Variants in SRGAP2C observed in about 807,000 individuals in gnomAD.
The protein encoded by SRGAP2C is SLIT-ROBO Rho GTPase activating protein 2C.
SRGAP2C carries 15 observed loss-of-function variants against 25.1 expected under a neutral mutation model. That is an observed-to-expected ratio of 0.60 (90% CI 0.40 to 0.92). The LOEUF (loss-of-function observed/expected upper bound fraction) is 0.92, where lower values mean the gene tolerates loss of function less well. SRGAP2C is among the 40% of genes least tolerant of loss of function. The probability of loss-of-function intolerance (pLI) is 0.00; values close to 1 mark genes in which losing one functional copy is unlikely to be tolerated. For missense variants in SRGAP2C, 144 were observed against 264.4 expected (o/e 0.54, Z 3.16); for synonymous variants, 44 against 96.6 (o/e 0.46, Z 3.19).
chr1:121,192,381 A>T (rs1424127156), intron 2 of SRGAP2C, among the ~76,000 whole-genome samples: 2 of 152,170 alleles, frequency 1.3e-5, no homozygotes, highest in African/African-American at 2.4e-5. Flanking sequence ...AGGGGAAAAA[A>T]CAACAACAAA....
intron 3 of SRGAP2C, among the ~76,000 whole-genome samples, chr1:121,293,606 C>T (rs1210885843): frequency 6.6e-6 from 1 of 152,112 alleles, no homozygotes; most frequent in Non-Finnish European, 1.5e-5. Flanking sequence ...AGAGAAAGTG[C>T]TCTTGGTTTC....
At chr1:121,287,690 C>T (rs1354794524) in intron 3 of SRGAP2C, among the ~76,000 whole-genome samples, 11 of 152,206 alleles carry the variant, frequency 7.2e-5, no homozygotes, top group Non-Finnish European at 1.3e-4. Flanking sequence ...AAGAATGAGG[C>T]CGCGGACCCT....
chr1:121,268,450 AGAT>A (rs1351707748), intron 2 of SRGAP2C, among the ~76,000 whole-genome samples: 1 of 151,686 alleles, frequency 6.6e-6, no homozygotes, highest in Non-Finnish European at 1.5e-5. Context: ...AGCCATTGAA[AGAT>A]GATGAGCAGG....
At chr1:121,337,663 TA>T (rs1401681770) in intron 4 of SRGAP2C, among the ~76,000 whole-genome samples, 5 of 112,742 alleles carry the variant, frequency 4.4e-5, no homozygotes, top group Admixed American at 8.9e-5. Context: ...ATAAATAAAA[TA>T]AAAATGCCTC....
intron 3 of SRGAP2C, among the ~76,000 whole-genome samples, chr1:121,300,336 G>A (rs1194036508): frequency 2.0e-5 from 2 of 101,126 alleles, no homozygotes. Flanking sequence ...CGGGGAGCCA[G>A]CATGTCACAT....
chr1:121,287,715 C>A (rs1657401549), intron 3 of SRGAP2C, among the ~76,000 whole-genome samples: 1 of 152,196 alleles, frequency 6.6e-6, no homozygotes, highest in African/African-American at 2.4e-5. Flanking sequence ...GTGAGTGTTA[C>A]AGCTCTTAAG....
chr1:121,385,682 C>T (rs868912172), intron 8 of SRGAP2C, among the ~76,000 whole-genome samples: 6,769 of 152,228 alleles, frequency 0.044, 502 homozygotes, highest in African/African-American at 0.15. Flanking sequence ...GGCTAAAGGA[C>T]GAACGGTAAC....
chr1:121,260,943 C>CT (rs1163058151), intron 2 of SRGAP2C, among the ~76,000 whole-genome samples: 7 of 72,726 alleles, frequency 9.6e-5, no homozygotes, highest in East Asian at 3.5e-4. Flanking sequence ...TCTTTTTTTT[C>CT]TTTTTTTTGG....
chr1:121,216,425 G>T (rs1553324681), intron 2 of SRGAP2C, among the ~76,000 whole-genome samples: 1 of 151,932 alleles, frequency 6.6e-6, no homozygotes, highest in African/African-American at 2.4e-5. Context: ...CAGGAAATGG[G>T]TAAGATTATA....
At chr1:121,375,324 T>TA in intron 7 of SRGAP2C, among the ~76,000 whole-genome samples, 1 of 70,996 alleles carries the variant, frequency 1.4e-5, no homozygotes, top group Admixed American at 1.4e-4. Flanking sequence ...CTTCCTTTTT[T>TA]TTTTTTTTTT....
intron 2 of SRGAP2C, among the ~76,000 whole-genome samples, chr1:121,282,554 T>C (rs1418464392): frequency 6.6e-6 from 1 of 151,230 alleles, no homozygotes; most frequent in East Asian, 1.9e-4. Flanking sequence ...GCCTTGGTTC[T>C]TTTTTTTGTT....
chr1:121,375,885 C>T (rs1313504435), intron 7 of SRGAP2C, among the ~76,000 whole-genome samples: 1 of 151,392 alleles, frequency 6.6e-6, no homozygotes, highest in Non-Finnish European at 1.5e-5. Context: ...AGGGTCCTGT[C>T]AGGAAGGTAT....
At chr1:121,238,551 A>T (rs1293795127) in intron 2 of SRGAP2C, among the ~76,000 whole-genome samples, 1 of 152,040 alleles carries the variant, frequency 6.6e-6, no homozygotes, top group Non-Finnish European at 1.5e-5. Flanking sequence ...TGTATCTTAA[A>T]GCCAGTGGGG....
At chr1:121,313,839 C>G (rs1450031554) in intron 3 of SRGAP2C, among the ~76,000 whole-genome samples, 3 of 133,482 alleles carry the variant, frequency 2.2e-5, no homozygotes, top group Admixed American at 1.5e-4. Flanking sequence ...CCCGACCTTT[C>G]TCTCTGGCTG....
chr1:121,299,297 GA>G (rs1657654520), intron 3 of SRGAP2C, among the ~76,000 whole-genome samples: 1 of 151,090 alleles, frequency 6.6e-6, no homozygotes, highest in Non-Finnish European at 1.5e-5. Flanking sequence ...ACACTGCACA[GA>G]AGTATCACAT....
At chr1:121,345,736 C>G (rs1658728336) in intron 4 of SRGAP2C, among the ~76,000 whole-genome samples, 1 of 148,030 alleles carries the variant, frequency 6.8e-6, no homozygotes, top group Non-Finnish European at 1.5e-5. Flanking sequence ...ACTGTAACCC[C>G]CGCCTCCCAG....
At chr1:121,308,894 G>A (rs1190133445) in intron 3 of SRGAP2C, among the ~76,000 whole-genome samples, 210 of 132,538 alleles carry the variant, frequency 1.6e-3, no homozygotes, top group African/African-American at 5.7e-3. Flanking sequence ...AGCCGAGATC[G>A]CACCATTGCA....
intron 2 of SRGAP2C, among the ~76,000 whole-genome samples, chr1:121,258,506 C>A (rs1175473199): frequency 2.0e-5 from 3 of 149,052 alleles, no homozygotes; most frequent in Non-Finnish European, 4.4e-5. Flanking sequence ...GCTCCTGTTG[C>A]CCAGGCTGGA....
intron 3 of SRGAP2C, among the ~76,000 whole-genome samples, chr1:121,320,836 G>A (rs1553341051): frequency 0.016 from 2,393 of 151,932 alleles, 61 homozygotes; most frequent in East Asian, 0.07. Flanking sequence ...AATAGGCATC[G>A]CAACAACTGA....
Sources: gnomAD v4.1 joint callset for allele counts (sites outside exome capture counted in the v4.1 genomes callset) on GRCh38, gnomAD v4.1.1 for gene constraint, MANE v1.5 for transcripts, NCBI Gene and HGNC (gene_info 2026-07-23, HGNC 2026-07-21) for gene names.